PTPRM: variants seen among roughly 807,000 people sequenced by gnomAD.
PTPRM encodes protein tyrosine phosphatase receptor type M, also known as receptor-type tyrosine-protein phosphatase mu.
In PTPRM, 47 loss-of-function variants were observed where a neutral mutation model predicts 186.7. That is an observed-to-expected ratio of 0.25 (90% CI 0.20 to 0.32). The LOEUF (loss-of-function observed/expected upper bound fraction) is 0.32, where lower values mean the gene tolerates loss of function less well. PTPRM is among the 10% of genes least tolerant of loss of function. The pLI is 1.00. For synonymous variants in PTPRM, 668 were observed against 674.9 expected (o/e 0.99, Z 0.16); for missense variants, 1,494 against 1,865.0 (o/e 0.80, Z 3.66).
intron 3 of PTPRM, among the ~76,000 whole-genome samples, chr18:7,905,891 AGGT>A (rs2049954157): frequency 1.3e-5 from 2 of 152,198 alleles, no homozygotes; most frequent in African/African-American, 4.8e-5. Flanking sequence ...CCTTCAGAAA[AGGT>A]TTAGATCACC....
intron 14 of PTPRM, among the ~76,000 whole-genome samples, chr18:8,163,227 T>C (rs2093264186): frequency 6.6e-6 from 1 of 152,232 alleles, no homozygotes. Context: ...AACTTCCTAT[T>C]CATTTGAATC....
chr18:7,716,433 A>G lies in PTPRM; in HGVS notation c.74-57716A>G, dbSNP rs145263253. On this transcript the variant is annotated intron_variant, in intron 1 of 32. Transcript: ENST00000580170. Reference sequence around the variant, plus strand: ...ATTCAGGACAGAGGCATGGGCAGAGACTTCATGAGTAAAACACCAAAAGCA... The same window carrying G: ...ATTCAGGACAGAGGCATGGGCAGAGGCTTCATGAGTAAAACACCAAAAGCA... Among the ~76,000 whole-genome samples the G allele has an allele frequency of 3.8e-3, 574 of 152,316 alleles. 6 individuals are homozygous for G. The highest frequency in any genetic ancestry group is 0.013 in the African/African-American group (560 of 41,584).
intron 7 of PTPRM, among the ~76,000 whole-genome samples, chr18:8,037,274 C>T (rs1028200719): frequency 6.6e-6 from 1 of 152,172 alleles, no homozygotes; most frequent in East Asian, 1.9e-4. Context: ...TTTTCTCATC[C>T]ACTTTACAGG....
At chr18:8,236,273 A>C (rs1480882909) in intron 14 of PTPRM, among the ~76,000 whole-genome samples, 1 of 152,178 alleles carries the variant, frequency 6.6e-6, no homozygotes, top group East Asian at 1.9e-4. Context: ...TACACGTTAA[A>C]AAATTTTATG....
At chr18:7,984,182 A>G (rs1255212778) in intron 7 of PTPRM, among the ~76,000 whole-genome samples, 1 of 152,168 alleles carries the variant, frequency 6.6e-6, no homozygotes, top group African/African-American at 2.4e-5. Context: ...CACCATAGTC[A>G]CCAAAGAGTC....
intron 7 of PTPRM, among the ~76,000 whole-genome samples, chr18:7,955,787 G>T (rs376028467): frequency 6.6e-6 from 1 of 152,130 alleles, no homozygotes; most frequent in Non-Finnish European, 1.5e-5. Context: ...TAGTTAATGT[G>T]CCAGCAGCCT....
chr18:7,578,092 A>G (rs1420930561), intron 1 of PTPRM, among the ~76,000 whole-genome samples: 5 of 152,192 alleles, frequency 3.3e-5, no homozygotes, highest in Non-Finnish European at 7.4e-5. Flanking sequence ...CTAAGTAGCC[A>G]TGAGACCTTG....
At chr18:8,318,320 A>G in intron 21 of PTPRM, among the ~76,000 whole-genome samples, 1 of 87,608 alleles carries the variant, frequency 1.1e-5, no homozygotes, top group Non-Finnish European at 2.0e-5. Context: ...TTTTTGAGAC[A>G]GGGTCTCACT....
At chr18:7,582,029 A>C (rs1157849261) in intron 1 of PTPRM, among the ~76,000 whole-genome samples, 2 of 152,220 alleles carry the variant, frequency 1.3e-5, no homozygotes, top group Non-Finnish European at 2.9e-5. Context: ...AAATGTGTAC[A>C]AATCTTTTGG....
chr18:8,243,695 G>A (rs541312254), intron 14 of PTPRM, among the ~76,000 whole-genome samples: 8 of 152,236 alleles, frequency 5.3e-5, no homozygotes, highest in South Asian at 2.1e-4. Context: ...CAATAATTTC[G>A]TAAAAACTTA....
At chr18:8,365,708 C>T (rs189014870) in intron 23 of PTPRM, 1 of 152,442 alleles carries the variant, frequency 6.6e-6, no homozygotes, top group East Asian at 1.9e-4. Flanking sequence ...AGCTGTCCCT[C>T]CACCATCATA....
At chr18:8,252,565 G>T in intron 18 of PTPRM, 66 bp downstream of exon 18, 1 of 1,467,078 alleles carries the variant, frequency 6.8e-7, no homozygotes, top group Non-Finnish European at 9.6e-7. Context: ...CTTACTGGTA[G>T]ATTCTGACAA....
chr18:7,879,635 A>G (rs1216647881), intron 2 of PTPRM, among the ~76,000 whole-genome samples: 2 of 152,210 alleles, frequency 1.3e-5, no homozygotes, highest in South Asian at 2.1e-4. Flanking sequence ...CACTAAATTG[A>G]CAATTGAATA....
chr18:8,204,526 A>C (rs745591953), intron 14 of PTPRM, among the ~76,000 whole-genome samples: 4 of 152,122 alleles, frequency 2.6e-5, no homozygotes, highest in Non-Finnish European at 5.9e-5. Flanking sequence ...CTGTACCTTG[A>C]TGTCAGAGCT....
chr18:7,625,885 G>T (rs2038049575), intron 1 of PTPRM, among the ~76,000 whole-genome samples: 2 of 152,130 alleles, frequency 1.3e-5, no homozygotes, highest in Non-Finnish European at 1.5e-5. Flanking sequence ...TCAATAACTG[G>T]CAAAGTTGCA....
chr18:8,074,443 T>C (rs558274821), intron 8 of PTPRM, among the ~76,000 whole-genome samples: 1 of 152,328 alleles, frequency 6.6e-6, no homozygotes, highest in Non-Finnish European at 1.5e-5. Flanking sequence ...TGGGTTATGT[T>C]GTAAATCTAC....
intron 7 of PTPRM, among the ~76,000 whole-genome samples, chr18:8,032,269 A>C (rs1029657824): frequency 6.6e-6 from 1 of 152,184 alleles, no homozygotes; most frequent in African/African-American, 2.4e-5. Context: ...CAGGTTCCTC[A>C]TGTGTAAAAA....
chr18:7,736,039 T>TA (rs1399926879), intron 1 of PTPRM, among the ~76,000 whole-genome samples: 2 of 152,068 alleles, frequency 1.3e-5, no homozygotes, highest in African/African-American at 4.8e-5. Flanking sequence ...ATAACCTAAC[T>TA]ACCTCAGGCA....
intron 19 of PTPRM, among the ~76,000 whole-genome samples, chr18:8,261,503 G>T (rs978153452): frequency 6.6e-6 from 1 of 152,094 alleles, no homozygotes; most frequent in East Asian, 1.9e-4. Flanking sequence ...AAGTTTCTGC[G>T]TATTTTTAAA....
Sources: allele counts gnomAD v4.1 joint callset (sites outside exome capture counted in the v4.1 genomes callset), GRCh38; gene constraint gnomAD v4.1.1; transcripts MANE v1.5; gene names NCBI Gene and HGNC (gene_info 2026-07-23, HGNC 2026-07-21).